DNAL1: variants seen among roughly 807,000 people sequenced by gnomAD.
DNAL1 encodes the protein chromosome 14 open reading frame 168.
In DNAL1, 17 loss-of-function variants were observed where a neutral mutation model predicts 29.4. That is an observed-to-expected ratio of 0.58 (90% CI 0.40 to 0.87). DNAL1 has a LOEUF of 0.87. Among genes scored for constraint, DNAL1 ranks in the 40% least tolerant of loss-of-function variants. The pLI is 0.00. For missense variants in DNAL1, 188 were observed against 214.1 expected (o/e 0.88, Z 0.76); for synonymous variants, 78 against 76.3 (o/e 1.02, Z -0.12).
intron 7 of DNAL1, among the ~76,000 whole-genome samples, chr14:73,690,491 A>C (rs563889000): frequency 6.6e-6 from 1 of 152,166 alleles, no homozygotes; most frequent in South Asian, 2.1e-4. Context: ...CATCTCTACT[A>C]AAAATACAAA....
intron 7 of DNAL1, among the ~76,000 whole-genome samples, chr14:73,694,297 A>C (rs1892247313): frequency 6.6e-6 from 1 of 150,762 alleles, no homozygotes; most frequent in Non-Finnish European, 1.5e-5. Flanking sequence ...TAAAGTCTTC[A>C]GAGAAGAGAA....
chr14:73,678,609 A>T (rs2140049763), intron 5 of DNAL1, among the ~76,000 whole-genome samples: 1 of 151,158 alleles, frequency 6.6e-6, no homozygotes, highest in South Asian at 2.1e-4. Context: ...TTGCTGAGAC[A>T]GGCAGTTTGT....
At chr14:73,666,315 G>C (rs1891475860) in intron 4 of DNAL1, among the ~76,000 whole-genome samples, 1 of 152,136 alleles carries the variant, frequency 6.6e-6, no homozygotes, top group Non-Finnish European at 1.5e-5. Context: ...AAAATTGCTT[G>C]ATATGACTAT....
At chr14:73,694,401 G>A (rs1892249958) in intron 7 of DNAL1, among the ~76,000 whole-genome samples, 1 of 152,172 alleles carries the variant, frequency 6.6e-6, no homozygotes, top group African/African-American at 2.4e-5. Flanking sequence ...GAACTGATCA[G>A]GTTAGCTGGA....
intron 5 of DNAL1, among the ~76,000 whole-genome samples, chr14:73,676,765 C>A (rs374669295): frequency 6.6e-6 from 1 of 151,964 alleles, no homozygotes; most frequent in South Asian, 2.1e-4. Context: ...GCACACATGT[C>A]CCTCAGCAGT....
Position 73,671,906 on chromosome 14 carries a change from A to G in DNAL1, c.264+309A>G, listed in dbSNP as rs76350496. ...AGAATGTGAGATGGAACAATAACGT[A>G]AAACTAGGCAATTTCAGGAAAGATG... On this transcript the variant is annotated intron_variant, in intron 5 of 7. Coordinates refer to ENST00000553645, the MANE Select transcript of DNAL1 (RefSeq NM_031427.4). 4.7e-3 allele frequency among the ~76,000 whole-genome samples: 714 copies of G among 152,340 alleles called. 5 individuals are homozygous for G. The highest frequency in any genetic ancestry group is 0.016 in the African/African-American group (668 of 41,572).
chr14:73,652,803 A>G (rs1403614300), intron 1 of DNAL1, among the ~76,000 whole-genome samples: 1 of 152,114 alleles, frequency 6.6e-6, no homozygotes, highest in Non-Finnish European at 1.5e-5. Context: ...TTTGACAAAT[A>G]TATTTGAATC....
chr14:73,695,913 A>G lies in DNAL1; in HGVS notation c.544A>G (p.Ile182Val). ...KLKKLDGTPV[I>V]KGDEEEDN ...CTTTTTCATTTTAGGTACTCCAGTA[A>G]TTAAAGGGGATGAGGAAGAAGACAA... Residue 182 changes from isoleucine (I) to valine (V), a missense_variant, in exon 8 of 8, where the codon ATT (isoleucine) becomes GTT (valine). Physicochemically the swap from Ile to Val is conservative, Grantham distance 29 (BLOSUM62 3). Coordinates refer to ENST00000553645, the MANE Select transcript of DNAL1 (RefSeq NM_031427.4). 1 of 1,586,332 alleles carries G rather than the reference A, an allele frequency of 6.3e-7. No individual in the cohort carries two copies. The highest frequency in any genetic ancestry group is 8.6e-7 in the Non-Finnish European group (1 of 1,164,790).
At position 73,703,389 on chromosome 14, in the gene DNAL1, CGTA is replaced by C. The variant is rs1458343861; in HGVS notation, c.*7448_*7450del. 2.0e-5 allele frequency: 3 copies of C among 152,354 alleles called. No homozygotes were observed. The highest frequency in any genetic ancestry group is 7.2e-5 in the African/African-American group (3 of 41,564). The allele number at this position is 152,354 out of a possible 1,614,324, so 9.4% of individuals were successfully genotyped here. On this transcript the variant is annotated 3_prime_UTR_variant, in exon 8 of 8. Transcript: ENST00000553645. ...GCCATCGCATCCCCTGTGACTTGCA[CGTA>C]TACATCCAGATGGCCTGAAGTAACT... is the stretch of plus-strand genomic sequence containing the variant.
chr14:73,689,683 A>G (rs1445534638), intron 7 of DNAL1, among the ~76,000 whole-genome samples, 168 bp downstream of exon 7: 2 of 152,190 alleles, frequency 1.3e-5, no homozygotes, highest in Admixed American at 6.5e-5. Context: ...GGTGAGATGA[A>G]AAACTGCTAG....
At chr14:73,667,326 A>C (rs996978923) in intron 4 of DNAL1, among the ~76,000 whole-genome samples, 3 of 151,928 alleles carry the variant, frequency 2.0e-5, no homozygotes, top group East Asian at 3.9e-4. Context: ...TTAGCCAGGC[A>C]TGGTGGCATG....
chr14:73,671,020 G>A (rs1260387998), intron 4 of DNAL1, among the ~76,000 whole-genome samples: 2 of 152,144 alleles, frequency 1.3e-5, no homozygotes, highest in African/African-American at 4.8e-5. Context: ...ACAGGTGTGA[G>A]CCACCACGCC....
intron 1 of DNAL1, among the ~76,000 whole-genome samples, chr14:73,646,529 A>C (rs569114732): frequency 2.3e-5 from 3 of 129,086 alleles, no homozygotes; most frequent in Middle Eastern, 3.6e-3. Context: ...TGTGAGGCCG[A>C]GGCGGGCAGA....
chr14:73,662,323 TTTGTA>T (rs1891374727), intron 4 of DNAL1, among the ~76,000 whole-genome samples: 1 of 152,200 alleles, frequency 6.6e-6, no homozygotes, highest in South Asian at 2.1e-4. Flanking sequence ...TTTGTTCAGA[TTTGTA>T]TTGTCTGTAT....
At chr14:73,664,147 C>G (rs1418845025) in intron 4 of DNAL1, among the ~76,000 whole-genome samples, 1 of 152,166 alleles carries the variant, frequency 6.6e-6, no homozygotes, top group East Asian at 1.9e-4. Context: ...CAGGTGCAGC[C>G]TGAGTTTTCC....
intron 4 of DNAL1, among the ~76,000 whole-genome samples, chr14:73,670,735 T>C (rs919149489): frequency 1.3e-5 from 2 of 151,468 alleles, no homozygotes; most frequent in African/African-American, 4.8e-5. Flanking sequence ...TTTTATTTAT[T>C]TTTATTATTA....
At position 73,689,445 on chromosome 14, in the gene DNAL1, G is replaced by T. The variant is rs780459682; in HGVS notation, c.462G>T (p.Glu154Asp). The T allele has an allele frequency of 3.2e-6, 5 of 1,564,908 alleles. No homozygotes were observed. In the South Asian group the frequency reaches 4.7e-5, roughly 15 times the overall value. ...TGTTTGTAGGCAATCCCTTGGAAGA[G>T]AAACATTCTGCTGAGAATAACTGGA... Reference protein sequence around the residue: ...DLVFVGNPLEEKHSAENNWIE... With the variant: ...DLVFVGNPLEDKHSAENNWIE... Residue 154 changes from glutamate to aspartate, a missense_variant, in exon 7 of 8, where the codon GAG becomes GAT. Glu to Asp is a conservative substitution (Grantham distance 45). Transcript: ENST00000553645.
rs1892490922 is a variant in DNAL1 at position 73,703,683 on chromosome 14, T to G, written c.*7741T>G. 6.6e-6 allele frequency: 1 copy of G among 152,400 alleles called. No homozygotes were observed. Among genetic ancestry groups the G allele is most frequent in the Non-Finnish European group, 1.5e-5 (1 of 68,184 alleles). The allele number at this position is 152,400 out of a possible 1,614,324, so 9.4% of individuals were successfully genotyped here. A position where few individuals can be genotyped will look rare whatever the true frequency, so the allele number is the denominator to read the frequency against. ...CCCTTTGCTGACTCTCTTTTCGGAC[T>G]CAGCCCGCCTGCACCCAGGTGAAAT... is the stretch of plus-strand genomic sequence containing the variant. On this transcript the variant is annotated 3_prime_UTR_variant, in exon 8 of 8. Transcript: ENST00000553645.
intron 1 of DNAL1, among the ~76,000 whole-genome samples, chr14:73,650,479 CTG>C (rs1037178729): frequency 1.3e-5 from 2 of 152,016 alleles, no homozygotes; most frequent in African/African-American, 4.8e-5. Context: ...GCAGGAATCT[CTG>C]TTTTGTTCAT....
Sources: allele counts gnomAD v4.1 joint callset (sites outside exome capture counted in the v4.1 genomes callset), GRCh38; gene constraint gnomAD v4.1.1; transcripts MANE v1.5; gene names NCBI Gene and HGNC (gene_info 2026-07-23, HGNC 2026-07-21).